The following ANKRD28 variants were observed in gnomAD, a reference collection of about 807,000 sequenced individuals.
The protein encoded by ANKRD28 is ankyrin repeat domain 28, also known as serine/threonine-protein phosphatase 6 regulatory ankyrin repeat subunit A.
A neutral mutation model predicts 126.5 loss-of-function variants in ANKRD28; 44 were observed. The observed-to-expected ratio is 0.35, with a 90% CI of 0.27 to 0.45. ANKRD28 has a LOEUF of 0.45. ANKRD28 is among the 20% of genes least tolerant of loss of function. The probability of loss-of-function intolerance (pLI) is 1.00; values close to 1 mark genes in which losing one functional copy is unlikely to be tolerated. For missense variants in ANKRD28, 1,110 were observed against 1,316.6 expected, an observed-to-expected ratio of 0.84 and a Z score of 2.43; for synonymous variants, 442 against 468.5, an observed-to-expected ratio of 0.94 and a Z score of 0.73.
intron 2 of ANKRD28, among the ~76,000 whole-genome samples, chr3:15,781,282 G>A (rs978493339): frequency 2.0e-5 from 3 of 152,068 alleles, no homozygotes; most frequent in Non-Finnish European, 4.4e-5. Context: ...AGCTGGTATG[G>A]CATTATTTCT....
intron 1 of ANKRD28, among the ~76,000 whole-genome samples, chr3:15,827,778 T>C (rs28454855): frequency 6.6e-6 from 1 of 152,122 alleles, no homozygotes; most frequent in Non-Finnish European, 1.5e-5. Context: ...CAGAGAAGGA[T>C]ACTATCAACA....
At chr3:15,676,101 A>C (rs1324222794) in intron 26 of ANKRD28, 112 bp from the exon 27 acceptor site, 12 of 748,196 alleles carry the variant, frequency 1.6e-5, no homozygotes, top group Non-Finnish European at 2.3e-5. Flanking sequence ...CAAGAGGTAC[A>C]AACTCGAGAA....
intron 16 of ANKRD28, 65 bp downstream of exon 16, chr3:15,695,123 A>G (rs2069344253): frequency 2.3e-6 from 3 of 1,295,096 alleles, no homozygotes; most frequent in Non-Finnish European, 2.2e-6. Flanking sequence ...GCAAACAGAT[A>G]AACATAACTG....
intron 2 of ANKRD28, among the ~76,000 whole-genome samples, chr3:15,775,807 T>C (rs1043281976): frequency 6.6e-6 from 1 of 152,214 alleles, no homozygotes; most frequent in African/African-American, 2.4e-5. Context: ...GGAAAATCCC[T>C]GAACCCAGTC....
In ANKRD28 at chr3:15,772,453, C is replaced by T. The variant is rs113951623; in HGVS notation, c.202-6141G>A. On this transcript the variant is annotated intron_variant, in intron 2 of 27. Coordinates refer to ENST00000683139, the MANE Select transcript of ANKRD28 (RefSeq NM_001349278.2). ...AAAAAACCCAGAGATGAATATCCCC[C>T]ATCAACAGAGACATAAATATCTTCA... 2.1e-3 allele frequency among the ~76,000 whole-genome samples: 321 copies of T among 152,184 alleles called. 2 individuals are homozygous for T. Among genetic ancestry groups the T allele is most frequent in the Middle Eastern group, 0.01 (3 of 294 alleles).
chr3:15,731,810 A>AG (rs2074621381), intron 6 of ANKRD28: 1 of 124,490 alleles, frequency 8.0e-6, no homozygotes, highest in Non-Finnish European at 1.6e-5. Flanking sequence ...AGATCACGCC[A>AG]TTGCACTCCA....
chr3:15,694,115 T>C lies in ANKRD28; in HGVS notation c.1761+624A>G, dbSNP rs570865740. ...AATAAATTCTTTCTGTACAGGAAGCTAGATTAGGATCTACTTGAAATTTAA... is the reference window on the plus strand; with the variant it reads ...AATAAATTCTTTCTGTACAGGAAGCCAGATTAGGATCTACTTGAAATTTAA... On this transcript the variant is annotated intron_variant, in intron 17 of 27. Transcript: ENST00000683139. 3.3e-5 allele frequency among the ~76,000 whole-genome samples: 5 copies of C among 152,276 alleles called. No individual in the cohort carries two copies. In the South Asian group the frequency reaches 8.3e-4, roughly 25 times the overall value.
intron 2 of ANKRD28, among the ~76,000 whole-genome samples, chr3:15,775,414 A>C (rs2059215357): frequency 6.6e-6 from 1 of 152,120 alleles, no homozygotes; most frequent in East Asian, 1.9e-4. Context: ...AGCTGGGTGT[A>C]CTCTAATTCC....
At chr3:15,698,945 C>T (rs1306225594) in intron 14 of ANKRD28, among the ~76,000 whole-genome samples, 3 of 152,232 alleles carry the variant, frequency 2.0e-5, no homozygotes, top group African/African-American at 7.2e-5. Flanking sequence ...CAATCCTAAG[C>T]CAAAAGAACA....
chr3:15,817,219 C>G lies in ANKRD28; in HGVS notation c.28-21913G>C, dbSNP rs2060849946. On this transcript the variant is annotated intron_variant, in intron 1 of 27. Transcript: ENST00000399451. The surrounding 1 kb of genome is among the most constrained non-coding windows in gnomAD (Gnocchi z 4.5). ...TGATGAACAATTTCTCACGCACAAA[C>G]ATTTCACATACTGATGATTTTATCT... Among the ~76,000 whole-genome samples, 1 of 152,086 alleles carries G rather than the reference C, an allele frequency of 6.6e-6. No homozygotes were observed. Among genetic ancestry groups the G allele is most frequent in the Non-Finnish European group, 1.5e-5 (1 of 68,024 alleles).
upstream of ANKRD28, among the ~76,000 whole-genome samples, chr3:15,801,210 T>TA (rs1237403302): frequency 6.6e-6 from 1 of 152,210 alleles, no homozygotes; most frequent in Non-Finnish European, 1.5e-5. This position sits in a 1 kb window ranked among gnomAD's most constrained non-coding sequence, Gnocchi z 4.9. Flanking sequence ...AGCTTACTCC[T>TA]ACTATTAATG....
At chr3:15,765,765 G>A (rs1254301807) in intron 3 of ANKRD28, among the ~76,000 whole-genome samples, 1 of 151,416 alleles carries the variant, frequency 6.6e-6, no homozygotes, top group Non-Finnish European at 1.5e-5. Context: ...ACTTGAACCA[G>A]GGAGCTGGAG....
At chr3:15,758,968 T>C (rs576061014) in intron 3 of ANKRD28, among the ~76,000 whole-genome samples, 1 of 152,374 alleles carries the variant, frequency 6.6e-6, no homozygotes, top group South Asian at 2.1e-4. Context: ...TAATACTTAC[T>C]GGAGGCAGTC....
intron 1 of ANKRD28, among the ~76,000 whole-genome samples, chr3:15,803,024 G>C (rs2060495274): frequency 6.6e-6 from 1 of 152,202 alleles, no homozygotes; most frequent in South Asian, 2.1e-4. Context: ...GGCTGGGGAA[G>C]CAATCATGAG....
intron 13 of ANKRD28, among the ~76,000 whole-genome samples, chr3:15,708,397 T>C (rs1363208014): frequency 6.6e-6 from 1 of 152,132 alleles, no homozygotes; most frequent in Non-Finnish European, 1.5e-5. Context: ...TTAGGAAAGT[T>C]TCCCCTACAT....
intron 7 of ANKRD28, among the ~76,000 whole-genome samples, chr3:15,721,632 A>G (rs1435968991): frequency 2.0e-5 from 3 of 152,210 alleles, no homozygotes; most frequent in Non-Finnish European, 4.4e-5. Context: ...TATTTAATTC[A>G]TTTTTTGCCA....
chr3:15,736,639 T>C (rs2075035268), intron 5 of ANKRD28, among the ~76,000 whole-genome samples: 1 of 152,244 alleles, frequency 6.6e-6, no homozygotes, highest in African/African-American at 2.4e-5. Context: ...GTTTTGATGG[T>C]TCTGTCACTA....
chr3:15,823,138 T>C lies in ANKRD28; in HGVS notation c.28-27832A>G, dbSNP rs143432893. On this transcript the variant is annotated intron_variant, in intron 1 of 27. Coordinates refer to the ANKRD28 transcript ENST00000399451. ...CAATTTTTCCATGGAGCGGGGGGCG[T>C]TGGGCTGAAATCGTTTCACCTCAAA... is the stretch of plus-strand genomic sequence containing the variant. Among the ~76,000 whole-genome samples the C allele has an allele frequency of 3.7e-3, 562 of 152,230 alleles. 7 individuals carry two copies. The highest frequency in any genetic ancestry group is 0.013 in the African/African-American group (532 of 41,544).
At chr3:15,698,802 A>C (rs2070082252) in intron 14 of ANKRD28, among the ~76,000 whole-genome samples, 1 of 152,208 alleles carries the variant, frequency 6.6e-6, no homozygotes, top group South Asian at 2.1e-4. Context: ...TATTGTGAAA[A>C]TGGCCATACT....
Sources: gnomAD v4.1 joint callset for allele counts (sites outside exome capture counted in the v4.1 genomes callset) on GRCh38, gnomAD v4.1.1 for gene constraint, Gnocchi (gnomAD v3.1) non-coding constraint, MANE v1.5 for transcripts, NCBI Gene and HGNC (gene_info 2026-07-23, HGNC 2026-07-21) for gene names.